LRRC43: variants seen among roughly 807,000 people sequenced by gnomAD.
The protein encoded by LRRC43 is leucine rich repeat containing 43, also known as leucine-rich repeat-containing protein 43.
LRRC43 carries 62 observed loss-of-function variants against 64.3 expected under a neutral mutation model. The observed-to-expected ratio is 0.96, with a 90% CI of 0.79 to 1.19. The LOEUF is 1.19. LRRC43 is among the 50% of genes most tolerant of loss of function. The probability of loss-of-function intolerance (pLI) is 0.00; values close to 1 mark genes in which losing one functional copy is unlikely to be tolerated. For missense variants in LRRC43, 868 were observed against 845.0 expected, an observed-to-expected ratio of 1.03 and a Z score of -0.34; for synonymous variants, 422 against 382.3, an observed-to-expected ratio of 1.10 and a Z score of -1.21.
chr12:122,168,715 A>C (rs1461881523), intron 1 of LRRC43, among the ~76,000 whole-genome samples: 1 of 152,210 alleles, frequency 6.6e-6, no homozygotes, highest in Non-Finnish European at 1.5e-5. Flanking sequence ...AAACTAAGCG[A>C]TTAACACTCA....
intron 1 of LRRC43, among the ~76,000 whole-genome samples, chr12:122,183,560 C>A (rs1953606145): frequency 1.3e-5 from 2 of 152,208 alleles, no homozygotes; most frequent in Non-Finnish European, 2.9e-5. Flanking sequence ...CCCCAGATTT[C>A]TAGTGGGCAG....
chr12:122,191,640 A>G (rs1953720166), intron 6 of LRRC43, 73 bp downstream of exon 6: 2 of 1,154,960 alleles, frequency 1.7e-6, no homozygotes, highest in Non-Finnish European at 2.4e-6. Context: ...GCCCCAGGAA[A>G]ATCCTTTTAA....
At position 122,192,854 on chromosome 12, in the gene LRRC43, G is replaced by A; in HGVS notation, c.1199G>A (p.Gly400Glu). ...IVEEVTEEVE[G>E]SLESEVEESG... ...GAAGAGGTTACTGAAGAGGTCGAAG[G>A]GTCTCTGGAGTCTGAGGTGGAGGAG... Residue 400 changes from glycine to glutamate, a missense_variant, in exon 7 of 12, where the codon GGG becomes GAG. Transcript: ENST00000339777. 4 of 1,611,706 alleles carry A rather than the reference G, an allele frequency of 2.5e-6. No homozygotes were observed. The highest frequency in any genetic ancestry group is 3.3e-5 in the Admixed American group (2 of 59,922).
rs369449517 is a variant in LRRC43 at position 122,200,574 on chromosome 12, C to T, written c.1534C>T (p.Leu512=). 49 of 1,551,826 alleles carry T rather than the reference C, an allele frequency of 3.2e-5. No homozygotes were observed. In the African/African-American group the frequency reaches 6.1e-4, roughly 19 times the overall value. ...GGTGCTACCTGCTGTTGACAGTCCC[C>T]TGTCTGCCAAGAAAGGAAAGGGGGA... ...PVVLPAVDSP[L]SAKKGKGEKD... Residue 512 remains leucine, a synonymous_variant, in exon 9 of 12, where the codon CTG becomes TTG. Transcript: ENST00000339777. The surrounding 1 kb of genome is among the most constrained non-coding windows in gnomAD (Gnocchi z 4.6).
At chr12:122,201,763 CAG>C (rs1432820951) in intron 11 of LRRC43, among the ~76,000 whole-genome samples, 2 of 152,148 alleles carry the variant, frequency 1.3e-5, no homozygotes, top group Non-Finnish European at 2.9e-5. Flanking sequence ...AGAAAGGAGA[CAG>C]GGAGTGCCGT....
intron 2 of LRRC43, among the ~76,000 whole-genome samples, chr12:122,185,917 C>T (rs1278444656): frequency 2.0e-5 from 3 of 152,162 alleles, no homozygotes; most frequent in Non-Finnish European, 4.4e-5. Flanking sequence ...GAGGTTCCTG[C>T]CCTCGCAGGT....
intron 1 of LRRC43, among the ~76,000 whole-genome samples, chr12:122,177,781 C>T (rs141540877): frequency 0.019 from 2,935 of 151,882 alleles, 107 homozygotes; most frequent in African/African-American, 0.067. Context: ...GGATCACAGG[C>T]GTGAGCCACT....
chr12:122,184,440 ATCTGT>A lies in LRRC43; in HGVS notation c.151-72_151-68del. On this transcript the variant is annotated intron_variant, in intron 1 of 11. Coordinates refer to ENST00000339777, the MANE Select transcript of LRRC43 (RefSeq NM_001098519.2). The surrounding 1 kb of genome is among the most constrained non-coding windows in gnomAD (Gnocchi z 4.0). ...CTATCCCTAATCGTCCAGTTTTATG[ATCTGT>A]TCTGTTTTGAGAGTTTGGTGTCCTT... 10 of 1,514,484 alleles carry A rather than the reference ATCTGT, an allele frequency of 6.6e-6. No homozygotes were observed. Among genetic ancestry groups the A allele is most frequent in the South Asian group, 2.5e-5 (2 of 80,598 alleles). The allele number at this position is 1,514,484 out of a possible 1,614,324, so 93.8% of individuals were successfully genotyped here.
At chr12:122,170,879 A>G (rs962554481) in intron 1 of LRRC43, among the ~76,000 whole-genome samples, 7 of 152,068 alleles carry the variant, frequency 4.6e-5, no homozygotes, top group Non-Finnish European at 1.0e-4. Context: ...GGAGGGCCCC[A>G]TAAAGCCCAG....
chr12:122,195,928 G>C (rs969362502), intron 7 of LRRC43, among the ~76,000 whole-genome samples: 2 of 152,114 alleles, frequency 1.3e-5, no homozygotes, highest in African/African-American at 4.8e-5. Context: ...TGTTTACCAG[G>C]GGCCCACCTC....
In LRRC43 at chr12:122,200,353, C is replaced by T. The variant is rs781681207; in HGVS notation, c.1491+23C>T. ...AAGGTGGGCAGGCGGAGGCAGTGCC[C>T]GGCCATCCACAGGCTGCACTTCTGT... is the stretch of plus-strand genomic sequence containing the variant. On this transcript the variant is annotated intron_variant, in intron 8 of 11. Transcript: ENST00000339777. This position sits in a 1 kb window ranked among gnomAD's most constrained non-coding sequence, Gnocchi z 4.6. The T allele has an allele frequency of 9.9e-6, 16 of 1,608,308 alleles. No individual in the cohort carries two copies. The highest frequency in any genetic ancestry group is 2.2e-5 in the South Asian group (2 of 90,902).
chr12:122,179,639 A>T (rs963356309), upstream of LRRC43, among the ~76,000 whole-genome samples: 39 of 152,118 alleles, frequency 2.6e-4, no homozygotes, highest in African/African-American at 8.9e-4. Context: ...GACAAGGAGA[A>T]GATGATGATT....
In LRRC43 at chr12:122,172,787, C is replaced by T. The variant is rs143507738; in HGVS notation, c.-406+5005C>T. 648 of 1,441,190 alleles carry T rather than the reference C, an allele frequency of 4.5e-4. 5 individuals carry two copies. The African/African-American group carries it at 8.1e-3, about 18-fold the overall frequency. 89.3% of individuals were successfully genotyped at this position (1,441,190 alleles called of 1,614,324 possible). ...GTCAGTGTTGGGTTTGCAATGACAG[C>T]TGCAAGTCTTAACAGTGAATGTTTG... On this transcript the variant is annotated intron_variant, in intron 1 of 5. Coordinates refer to the LRRC43 transcript ENST00000537729.
intron 4 of LRRC43, among the ~76,000 whole-genome samples, chr12:122,189,000 C>T (rs920266240): frequency 3.3e-5 from 5 of 152,150 alleles, no homozygotes; most frequent in Non-Finnish European, 7.3e-5. Context: ...CAAGCCCTAG[C>T]GCCAGCCGCT....
At chr12:122,194,566 CAAAAAA>C (rs558202112) in intron 7 of LRRC43, among the ~76,000 whole-genome samples, 1 of 93,730 alleles carries the variant, frequency 1.1e-5, no homozygotes, top group South Asian at 3.7e-4. Context: ...AGCTCCGTCT[CAAAAAA>C]AAAAAAAAGA....
chr12:122,177,132 G>A (rs192575047), intron 1 of LRRC43, among the ~76,000 whole-genome samples: 324 of 152,234 alleles, frequency 2.1e-3, no homozygotes, highest in Middle Eastern at 0.017. Context: ...TGTGGATGTA[G>A]TCATGATTAC....
chr12:122,195,851 C>G (rs1055473280), intron 7 of LRRC43, among the ~76,000 whole-genome samples: 2 of 152,192 alleles, frequency 1.3e-5, no homozygotes, highest in African/African-American at 4.8e-5. Context: ...TCTATCTCCT[C>G]TCCTTCTAGC....
intron 7 of LRRC43, among the ~76,000 whole-genome samples, chr12:122,193,380 A>AT (rs1491244775): frequency 1.8e-5 from 2 of 113,690 alleles, no homozygotes; most frequent in Non-Finnish European, 3.6e-5. Flanking sequence ...ACTCCGTCTC[A>AT]TAAAAAAAAA....
At chr12:122,203,229 G>C in intron 11 of LRRC43, 86 bp from the exon 12 acceptor site, 1 of 1,493,792 alleles carries the variant, frequency 6.7e-7, no homozygotes, top group Non-Finnish European at 9.1e-7. Flanking sequence ...CAGGGTCCAG[G>C]GCTTGCATAT....
Sources: gnomAD v4.1 joint callset for allele counts (sites outside exome capture counted in the v4.1 genomes callset) on GRCh38, gnomAD v4.1.1 for gene constraint, Gnocchi (gnomAD v3.1) non-coding constraint, MANE v1.5 for transcripts, NCBI Gene and HGNC (gene_info 2026-07-23, HGNC 2026-07-21) for gene names.